ERP29: variants seen among roughly 807,000 people sequenced by gnomAD.
The protein encoded by ERP29 is endoplasmic reticulum resident protein 29.
Under a neutral mutation model 21.7 loss-of-function variants are expected in ERP29, and 14 were observed. The ratio of observed to expected loss-of-function variants is 0.64; its 90% CI spans 0.43 to 1.01. The LOEUF (loss-of-function observed/expected upper bound fraction) is 1.01, where lower values mean the gene tolerates loss of function less well. Ranked by LOEUF, ERP29 falls within the 50% of genes least tolerant of loss-of-function variation. The pLI, the probability that ERP29 is intolerant of heterozygous loss-of-function variation, is 0.00. For synonymous variants in ERP29, 129 were observed against 139.1 expected (o/e 0.93, Z 0.51); for missense variants, 286 against 327.3 (o/e 0.87, Z 0.97).
chr12:112,013,624 G>A lies in ERP29; in HGVS notation c.144+15G>A, dbSNP rs755383020. 1.3e-6 allele frequency: 2 copies of A among 1,536,926 alleles called. No individual in the cohort carries two copies. The highest frequency in any genetic ancestry group is 2.4e-5 in the South Asian group (2 of 83,458). ...CTTTCTACAAGGTAACCGGGGCGGGGGACGTCGCGCGCAGGTGCCGCCGGG... is the reference window on the plus strand; with the variant it reads ...CTTTCTACAAGGTAACCGGGGCGGGAGACGTCGCGCGCAGGTGCCGCCGGG... On this transcript the variant is annotated intron_variant, in intron 1 of 2. Coordinates refer to ENST00000261735, the MANE Select transcript of ERP29 (RefSeq NM_006817.4).
Position 112,023,383 on chromosome 12 carries a change from T to C in ERP29, c.*731T>C, listed in dbSNP as rs1483972965. Reference sequence around the variant, plus strand: ...TTTCAAAATTAAAAAATATTTTCCATCTAAATCACTATCACTAAATAAATA... The same window carrying C: ...TTTCAAAATTAAAAAATATTTTCCACCTAAATCACTATCACTAAATAAATA... On this transcript the variant is annotated 3_prime_UTR_variant, in exon 3 of 3. Transcript: ENST00000261735. 1 of 152,230 alleles carries C rather than the reference T, an allele frequency of 6.6e-6. No individual in the cohort carries two copies. Among genetic ancestry groups the C allele is most frequent in the Admixed American group, 6.5e-5 (1 of 15,288 alleles). The allele number at this position is 152,230 out of a possible 1,614,324, so 9.4% of individuals were successfully genotyped here.
intron 1 of ERP29, chr12:112,019,265 T>C (rs1256904488): frequency 9.9e-6 from 2 of 202,196 alleles, no homozygotes. Context: ...TCTCACTAGC[T>C]TATCTGCCCT....
chr12:112,014,063 C>T (rs1306664853), intron 1 of ERP29, among the ~76,000 whole-genome samples: 1 of 152,166 alleles, frequency 6.6e-6, no homozygotes, highest in East Asian at 1.9e-4. Context: ...CCCCTCTTCC[C>T]AGGGTTGGAT....
At chr12:112,020,614 G>C (rs1470485725) in intron 2 of ERP29, among the ~76,000 whole-genome samples, 2 of 152,142 alleles carry the variant, frequency 1.3e-5, no homozygotes, top group African/African-American at 2.4e-5. Flanking sequence ...CCTCCATTCC[G>C]TAGTAAGCTG....
At chr12:112,018,938 T>G (rs972159608) in intron 1 of ERP29, 1 of 152,226 alleles carries the variant, frequency 6.6e-6, no homozygotes, top group Non-Finnish European at 1.5e-5. Context: ...TCCATCAGAA[T>G]AGACAAATCT....
At chr12:112,013,782 C>A (rs1316986821) in intron 1 of ERP29, among the ~76,000 whole-genome samples, 173 bp downstream of exon 1, 3 of 152,252 alleles carry the variant, frequency 2.0e-5, no homozygotes, top group Non-Finnish European at 4.4e-5. Flanking sequence ...AATGTTATGA[C>A]CACCGGGCAT....
In ERP29 at chr12:112,022,254, G is replaced by C. The variant is rs1056433471; in HGVS notation, c.388G>C (p.Val130Leu). The C allele has an allele frequency of 6.2e-7, 1 of 1,613,550 alleles. No individual in the cohort carries two copies. The highest frequency in any genetic ancestry group is 1.3e-5 in the African/African-American group (1 of 74,944). Residue 130 changes from valine (V) to leucine (L), a missense_variant, in exon 3 of 3, where the codon GTC becomes CTC. Coordinates refer to ENST00000261735, the MANE Select transcript of ERP29 (RefSeq NM_006817.4). ...CCGGGATGGGGACTTTGAGAACCCA[G>C]TCCCATACACTGGGGCAGTTAAGGT... Reference protein sequence around the residue: ...LFRDGDFENPVPYTGAVKVGA... With the variant: ...LFRDGDFENPLPYTGAVKVGA...
At chr12:112,022,019 G>C (rs1200839394) in intron 2 of ERP29, 131 bp from the exon 3 acceptor site, 2 of 804,686 alleles carry the variant, frequency 2.5e-6, no homozygotes, top group Non-Finnish European at 4.0e-6. Flanking sequence ...GGTCTGTATG[G>C]TTGCTCCTCA....
intron 1 of ERP29, chr12:112,019,492 G>T (rs2078031690): frequency 4.1e-6 from 2 of 483,962 alleles, no homozygotes; most frequent in Middle Eastern, 1.2e-3. Context: ...GCCTTAGTAT[G>T]TCTGCAGCCT....
At position 112,022,311 on chromosome 12, in the gene ERP29, G is replaced by A; in HGVS notation, c.445G>A (p.Gly149Arg). 6.2e-7 allele frequency: 1 copy of A among 1,613,244 alleles called. No individual in the cohort carries two copies. Among genetic ancestry groups the A allele is most frequent in the Non-Finnish European group, 8.5e-7 (1 of 1,179,530 alleles). ...CATCCAGCGCTGGCTGAAGGGGCAA[G>A]GGGTCTACCTAGGTATGCCTGGTTG... ...GAIQRWLKGQGVYLGMPGCLP... is the reference protein window; with the variant it reads ...GAIQRWLKGQRVYLGMPGCLP... Residue 149 changes from glycine (G) to arginine (R), a missense_variant, in exon 3 of 3, where the codon GGG (glycine) becomes AGG (arginine). Coordinates refer to ENST00000261735, the MANE Select transcript of ERP29 (RefSeq NM_006817.4).
Position 112,015,488 on chromosome 12 carries a change from C to CA in ERP29, c.144+1893dup, listed in dbSNP as rs755075555. Among the ~76,000 whole-genome samples the CA allele has an allele frequency of 8.8e-3, 1,171 of 133,622 alleles. 15 individuals carry two copies. Among genetic ancestry groups the CA allele is most frequent in the African/African-American group, 0.025 (916 of 36,256 alleles). The allele number at this position is 133,622 out of a possible 152,430, so 87.7% of individuals were successfully genotyped here. A position where few individuals can be genotyped will look rare whatever the true frequency, so the allele number is the denominator to read the frequency against. On this transcript the variant is annotated intron_variant, in intron 1 of 2. Transcript: ENST00000261735. ...GGGCAACAAGAGCAAAACTCTGTCTCAAAAAAAAAAAAAATGGTGTAGGTG... is the reference window on the plus strand; with the variant it reads ...GGGCAACAAGAGCAAAACTCTGTCTCAAAAAAAAAAAAAAATGGTGTAGGTG...
chr12:112,013,562 C>G lies in ERP29; in HGVS notation c.97C>G (p.Leu33Val). ...LLSAPHGGSG[L>V]HTKGALPLDT... ...CTCCGCTCCGCATGGCGGCAGCGGC[C>G]TGCACACCAAGGGCGCCCTTCCCCT... Residue 33 changes from leucine (L) to valine (V), a missense_variant, in exon 1 of 3, where the codon CTG becomes GTG. Transcript: ENST00000261735. The G allele has an allele frequency of 6.2e-7, 1 of 1,611,976 alleles. No homozygotes were observed. The highest frequency in any genetic ancestry group is 8.5e-7 in the Non-Finnish European group (1 of 1,179,134).
rs1401945138 is a variant in ERP29 at position 112,019,792 on chromosome 12, G to A, written c.181G>A (p.Asp61Asn). Residue 61 changes from aspartate (D) to asparagine (N), a missense_variant, in exon 2 of 3, where the codon GAC (aspartate) becomes AAC (asparagine). Physicochemically the swap from Asp to Asn is conservative, Grantham distance 23 (BLOSUM62 1). Transcript: ENST00000261735. ...AAGCAAGTTCGTCTTGGTGAAGTTC[G>A]ACACCCAGTACCCCTACGGTGAGAA... is the stretch of plus-strand genomic sequence containing the variant. ...PKSKFVLVKF[D>N]TQYPYGEKQD... 16 of 1,613,874 alleles carry A rather than the reference G, an allele frequency of 9.9e-6. No individual in the cohort carries two copies. The highest frequency in any genetic ancestry group is 2.7e-5 in the African/African-American group (2 of 74,814).
intron 1 of ERP29, 62 bp downstream of exon 1, chr12:112,013,671 C>T (rs1300391581): frequency 2.1e-6 from 3 of 1,455,796 alleles, no homozygotes; most frequent in Non-Finnish European, 1.8e-6. Context: ...AGCGCGCGCC[C>T]GTGGGGAGAC....
chr12:112,014,177 G>T (rs1468080759), intron 1 of ERP29, among the ~76,000 whole-genome samples: 3 of 152,230 alleles, frequency 2.0e-5, no homozygotes, highest in Admixed American at 2.0e-4. Context: ...TAAAGCAGGG[G>T]TCCCCAACCA....
chr12:112,022,898 A>C lies in ERP29; in HGVS notation c.*246A>C, dbSNP rs2078059917. ...GTGAAATGACACCTCAGAAGGAATG[A>C]GTGCTATAGAGAGGAGAGAGGAGTG... On this transcript the variant is annotated 3_prime_UTR_variant, in exon 3 of 3. Coordinates refer to ENST00000261735, the MANE Select transcript of ERP29 (RefSeq NM_006817.4). The C allele has an allele frequency of 1.9e-6, 1 of 523,202 alleles. No homozygotes were observed. Among genetic ancestry groups the C allele is most frequent in the Admixed American group, 3.4e-5 (1 of 29,822 alleles). The allele number at this position is 523,202 out of a possible 1,614,324, so 32.4% of individuals were successfully genotyped here.
intron 2 of ERP29, among the ~76,000 whole-genome samples, chr12:112,020,427 C>T (rs905782244): frequency 2.0e-5 from 3 of 152,148 alleles, no homozygotes; most frequent in Non-Finnish European, 4.4e-5. Context: ...TAAATCTTCA[C>T]TTGAACTCTG....
At chr12:112,015,725 G>A (rs999909284) in intron 1 of ERP29, among the ~76,000 whole-genome samples, 1 of 152,122 alleles carries the variant, frequency 6.6e-6, no homozygotes, top group Non-Finnish European at 1.5e-5. Flanking sequence ...CATTACAATA[G>A]CCTCTTCTCT....
rs559038250 is a variant in ERP29, at chr12:112,022,990, A to G, written c.*338A>G. ...AAGTTTCAGTGTTTTGGTTAAGTGG[A>G]CCTGAAGCCATTCTTTTTTCTTTTC... is the stretch of plus-strand genomic sequence containing the variant. On this transcript the variant is annotated 3_prime_UTR_variant, in exon 3 of 3. Transcript: ENST00000261735. 1.2e-4 allele frequency: 25 copies of G among 215,060 alleles called. No homozygotes were observed. The South Asian group carries it at 3.1e-3, about 27-fold the overall frequency. 13.3% of individuals were successfully genotyped at this position (215,060 alleles called of 1,614,324 possible).
Sources: allele counts gnomAD v4.1 joint callset (sites outside exome capture counted in the v4.1 genomes callset), GRCh38; gene constraint gnomAD v4.1.1; transcripts MANE v1.5; gene names NCBI Gene and HGNC (gene_info 2026-07-23, HGNC 2026-07-21).